Variants in SFXN5 observed in about 807,000 individuals in gnomAD.
SFXN5 encodes the protein sideroflexin-5.
Under a neutral mutation model 50.2 loss-of-function variants are expected in SFXN5, and 43 were observed. The observed-to-expected ratio is 0.86, with a 90% CI of 0.67 to 1.11. The LOEUF is 1.11. Among genes scored for constraint, SFXN5 ranks in the 50% least tolerant of loss-of-function variants. SFXN5 has a pLI of 0.00. For synonymous variants in SFXN5, 203 were observed against 185.8 expected, an observed-to-expected ratio of 1.09 and a Z score of -0.75; for missense variants, 463 against 454.1, an observed-to-expected ratio of 1.02 and a Z score of -0.18.
chr2:72,961,764 G>A lies in SFXN5; in HGVS notation c.828-516C>T, dbSNP rs1028306077. Reference sequence around the variant, plus strand: ...GGGGGTGATCCTCCTCTATGTGTGAGAACAGAAGACACCCCACTGGCCACC... The same window carrying A: ...GGGGGTGATCCTCCTCTATGTGTGAAAACAGAAGACACCCCACTGGCCACC... On this transcript the variant is annotated intron_variant, in intron 12 of 13. Transcript: ENST00000272433. This position sits in a 1 kb window ranked among gnomAD's most constrained non-coding sequence, Gnocchi z 4.4. Among the ~76,000 whole-genome samples the A allele has an allele frequency of 1.3e-5, 2 of 152,200 alleles. No homozygotes were observed. The highest frequency in any genetic ancestry group is 2.9e-5 in the Non-Finnish European group (2 of 68,034).
chr2:73,054,002 C>CA (rs1327635692), intron 2 of SFXN5, among the ~76,000 whole-genome samples: 1 of 152,192 alleles, frequency 6.6e-6, no homozygotes, highest in Non-Finnish European at 1.5e-5. Flanking sequence ...GGGAGGGACT[C>CA]AGAGGCCTCT....
At chr2:73,020,441 G>T (rs1676726508) in intron 5 of SFXN5, among the ~76,000 whole-genome samples, 177 bp from the exon 6 acceptor site, 1 of 152,100 alleles carries the variant, frequency 6.6e-6, no homozygotes, top group African/African-American at 2.4e-5. Context: ...CCCTCACCGG[G>T]GCTGTGTCCC....
rs1408246150 is a variant in SFXN5, at chr2:72,961,410, A to G, written c.828-162T>C. On this transcript the variant is annotated intron_variant, in intron 12 of 13. Transcript: ENST00000272433. This position sits in a 1 kb window ranked among gnomAD's most constrained non-coding sequence, Gnocchi z 4.4. ...GATATAGCAGAGTTCTGTCTTTGGG[A>G]CCTTTTCCCGATAGGTACCCCTATC... Among the ~76,000 whole-genome samples, 4 of 152,062 alleles carry G rather than the reference A, an allele frequency of 2.6e-5. No individual in the cohort carries two copies. The highest frequency in any genetic ancestry group is 7.2e-5 in the African/African-American group (3 of 41,416).
intron 13 of SFXN5, among the ~76,000 whole-genome samples, chr2:72,958,578 T>C (rs1007692038): frequency 3.3e-5 from 5 of 152,144 alleles, no homozygotes; most frequent in Non-Finnish European, 5.9e-5. Context: ...GAGGTACCTA[T>C]AAACACATGG....
At chr2:72,975,783 A>G (rs1168530593) in intron 10 of SFXN5, among the ~76,000 whole-genome samples, 1 of 152,220 alleles carries the variant, frequency 6.6e-6, no homozygotes, top group Non-Finnish European at 1.5e-5. Flanking sequence ...CTTACACTAT[A>G]ATGGAGCACG....
chr2:73,024,274 G>A (rs971671424), intron 3 of SFXN5, among the ~76,000 whole-genome samples: 7 of 151,880 alleles, frequency 4.6e-5, no homozygotes, highest in East Asian at 1.9e-4. Context: ...TGCCCACCTC[G>A]GCCTCCCAAG....
At chr2:72,971,257 G>A (rs927436722) in intron 11 of SFXN5, among the ~76,000 whole-genome samples, 2 of 152,122 alleles carry the variant, frequency 1.3e-5, no homozygotes, top group Admixed American at 1.3e-4. Context: ...GGGGAAGAGA[G>A]CTCTGAGGGA....
intron 10 of SFXN5, among the ~76,000 whole-genome samples, chr2:72,978,484 T>C (rs1670909825): frequency 2.6e-5 from 4 of 152,234 alleles, no homozygotes; most frequent in South Asian, 4.1e-4. Context: ...GTTTTCACCA[T>C]GTTGGCTAAG....
intron 6 of SFXN5, among the ~76,000 whole-genome samples, chr2:73,007,031 G>A (rs927949515): frequency 1.2e-4 from 19 of 152,202 alleles, no homozygotes; most frequent in African/African-American, 3.6e-4. Flanking sequence ...TATTCTAACT[G>A]CTGCAGAGAG....
At chr2:73,015,945 G>GAA (rs1301182708) in intron 6 of SFXN5, among the ~76,000 whole-genome samples, 2 of 100,904 alleles carry the variant, frequency 2.0e-5, no homozygotes, top group Non-Finnish European at 4.3e-5. Flanking sequence ...CTCCAAAAAA[G>GAA]AAAAAAAAAA....
intron 11 of SFXN5, among the ~76,000 whole-genome samples, chr2:72,969,782 G>A (rs1245367169): frequency 1.3e-5 from 2 of 151,412 alleles, no homozygotes; most frequent in Non-Finnish European, 2.9e-5. Flanking sequence ...CTTTCTCAGT[G>A]ACAAGAAGTT....
chr2:72,977,148 G>A (rs1347490542), intron 10 of SFXN5, among the ~76,000 whole-genome samples: 2 of 152,302 alleles, frequency 1.3e-5, no homozygotes, highest in African/African-American at 2.4e-5. Context: ...GGGTCCAGAC[G>A]TGATGCTTGG....
intron 10 of SFXN5, among the ~76,000 whole-genome samples, chr2:72,976,364 A>G (rs1007847725): frequency 6.6e-6 from 1 of 152,182 alleles, no homozygotes; most frequent in Non-Finnish European, 1.5e-5. Flanking sequence ...GGATTGACGT[A>G]ACCTAGTCAT....
intron 2 of SFXN5, among the ~76,000 whole-genome samples, chr2:73,051,009 C>T (rs1474706951): frequency 6.6e-6 from 1 of 152,230 alleles, no homozygotes; most frequent in African/African-American, 2.4e-5. Context: ...GCCCTGCCTT[C>T]CACGAAGTCC....
intron 9 of SFXN5, chr2:72,996,761 G>A (rs531479112): frequency 2.0e-5 from 3 of 152,222 alleles, no homozygotes; most frequent in Admixed American, 2.0e-4. Flanking sequence ...AGGCCTGCAG[G>A]TGAAGGAAGT....
intron 10 of SFXN5, among the ~76,000 whole-genome samples, chr2:72,981,970 T>A (rs1344769028): frequency 1.5e-5 from 2 of 134,808 alleles, no homozygotes; most frequent in Non-Finnish European, 3.1e-5. Flanking sequence ...GAACTTTGTG[T>A]GTGTGTGTGT....
At chr2:72,948,752 C>G (rs990862247) in intron 13 of SFXN5, among the ~76,000 whole-genome samples, 10 of 152,302 alleles carry the variant, frequency 6.6e-5, no homozygotes, top group Admixed American at 3.9e-4. Flanking sequence ...TGGGAAGGCT[C>G]CTGGGGGAGG....
rs899664257 is a variant in SFXN5 at position 73,061,927 on chromosome 2, G to A, written c.103-3331C>T. Among the ~76,000 whole-genome samples, 7 of 152,032 alleles carry A rather than the reference G, an allele frequency of 4.6e-5. No homozygotes were observed. In the East Asian group the frequency reaches 1.4e-3, roughly 29 times the overall value. On this transcript the variant is annotated intron_variant, in intron 1 of 13. Coordinates refer to ENST00000272433, the MANE Select transcript of SFXN5 (RefSeq NM_144579.3). ...GCCCAGGAGTTTGAGATCAGCCTGG[G>A]CAACACAGTGAAACCCCATCTCTAC...
At chr2:72,989,239 C>T (rs1672281920) in intron 9 of SFXN5, among the ~76,000 whole-genome samples, 1 of 152,160 alleles carries the variant, frequency 6.6e-6, no homozygotes, top group African/African-American at 2.4e-5. Context: ...AGTGCTGGTC[C>T]CTGTGCCTGG....
Sources: gnomAD v4.1 joint callset for allele counts (sites outside exome capture counted in the v4.1 genomes callset) on GRCh38, gnomAD v4.1.1 for gene constraint, Gnocchi (gnomAD v3.1) non-coding constraint, MANE v1.5 for transcripts, NCBI Gene and HGNC (gene_info 2026-07-23, HGNC 2026-07-21) for gene names.